The following PIK3CD variants were observed in gnomAD, a reference collection of about 807,000 sequenced individuals.
PIK3CD encodes the protein phosphatidylinositol-4,5-bisphosphate 3-kinase catalytic subunit delta.
Under a neutral mutation model 122.9 loss-of-function variants are expected in PIK3CD, and 20 were observed. The observed-to-expected ratio is 0.16, with a 90% CI of 0.11 to 0.24. PIK3CD has a LOEUF of 0.24. Ranked by LOEUF, PIK3CD falls within the 10% of genes least tolerant of loss-of-function variation. The probability of loss-of-function intolerance (pLI) is 1.00; values close to 1 mark genes in which losing one functional copy is unlikely to be tolerated. For synonymous variants in PIK3CD, 596 were observed against 593.4 expected (o/e 1.00, Z -0.06); for missense variants, 787 against 1,406.3 (o/e 0.56, Z 7.04).
chr1:9,671,311 C>G (rs1412904736), intron 1 of PIK3CD, among the ~76,000 whole-genome samples: 1 of 152,154 alleles, frequency 6.6e-6, no homozygotes, highest in Non-Finnish European at 1.5e-5. Flanking sequence ...GTTGCCCAGA[C>G]TGGTCTCCAA....
At chr1:9,662,079 A>G (rs543764490) in intron 1 of PIK3CD, among the ~76,000 whole-genome samples, 35 of 151,378 alleles carry the variant, frequency 2.3e-4, no homozygotes, top group African/African-American at 7.8e-4. Context: ...AATCACTTGA[A>G]CCCTTAACCA....
In PIK3CD at chr1:9,723,310, G is replaced by A. The variant is rs779730621; in HGVS notation, c.2594+18G>A. ...AACCCGGGGTGGGTTTCAGGCCCAG[G>A]GATAGGTTCCCTCTCCTTTCCAAGA... On this transcript the variant is annotated intron_variant, in intron 20 of 23. Coordinates refer to ENST00000377346, the MANE Select transcript of PIK3CD (RefSeq NM_005026.5). The surrounding 1 kb of genome is among the most constrained non-coding windows in gnomAD (Gnocchi z 4.9). 1.2e-5 allele frequency: 20 copies of A among 1,613,450 alleles called. No individual in the cohort carries two copies. The Admixed American group carries it at 3.3e-4, about 27-fold the overall frequency.
Position 9,700,406 on chromosome 1 carries a change from G to C in PIK3CD, c.-33+8835G>C, listed in dbSNP as rs541196383. 1.3e-5 allele frequency among the ~76,000 whole-genome samples: 2 copies of C among 152,196 alleles called. No individual in the cohort carries two copies. On this transcript the variant is annotated intron_variant, in intron 2 of 23. Transcript: ENST00000377346. This position sits in a 1 kb window ranked among gnomAD's most constrained non-coding sequence, Gnocchi z 5.1. Reference sequence around the variant, plus strand: ...AGAACCCCATGTGCGGGAGGGCTCCGCTTTGCACAGCTGTTTCTGTGGATC... The same window carrying C: ...AGAACCCCATGTGCGGGAGGGCTCCCCTTTGCACAGCTGTTTCTGTGGATC...
intron 6 of PIK3CD, 66 bp downstream of exon 6, chr1:9,716,685 C>T (rs1402472545): frequency 1.2e-5 from 18 of 1,489,172 alleles, no homozygotes; most frequent in African/African-American, 5.6e-5. Flanking sequence ...GGGTGGGAGT[C>T]GGGGAGCTGA....
chr1:9,654,280 T>C, intron 1 of PIK3CD: 1 of 1,367,706 alleles, frequency 7.3e-7, no homozygotes, highest in Non-Finnish European at 9.8e-7. Context: ...AAAAGCGCGT[T>C]TCTGCGTTTC....
At chr1:9,632,047 T>A in the PIK3CD span, among the ~76,000 whole-genome samples, 5 of 150,468 alleles carry the variant, frequency 3.3e-5, no homozygotes, top group Non-Finnish European at 7.4e-5. Context: ...AATTTTGCTC[T>A]TGTTGCCCAG....
the PIK3CD span, among the ~76,000 whole-genome samples, chr1:9,634,340 T>G: frequency 6.6e-6 from 1 of 152,176 alleles, no homozygotes; most frequent in South Asian, 2.1e-4. Context: ...TTTTGTATTT[T>G]TAGTAGACAC....
At chr1:9,636,208 G>T in the PIK3CD span, among the ~76,000 whole-genome samples, 1 of 151,842 alleles carries the variant, frequency 6.6e-6, no homozygotes, top group Non-Finnish European at 1.5e-5. Context: ...CATTTTTTTG[G>T]GGGGGGACAT....
Position 9,673,129 on chromosome 1 carries a change from C to T in PIK3CD, c.-137-18338C>T, listed in dbSNP as rs573063379. Among the ~76,000 whole-genome samples, 20 of 147,848 alleles carry T rather than the reference C, an allele frequency of 1.4e-4. No individual in the cohort carries two copies. The South Asian group carries it at 2.6e-3, about 19-fold the overall frequency. On this transcript the variant is annotated intron_variant, in intron 1 of 23. Transcript: ENST00000377346. ...TTTTTTTTTTTTTGAGACAGGGTCT[C>T]GCTCTGTCACCTAGGCTGGAGGGCA... is the stretch of plus-strand genomic sequence containing the variant.
At chr1:9,691,326 A>C in intron 1 of PIK3CD, 141 bp from the exon 2 acceptor site, 4 of 375,818 alleles carry the variant, frequency 1.1e-5, no homozygotes, top group East Asian at 3.8e-5. Flanking sequence ...ATCAAGTGGA[A>C]TGTGATTGGT....
At position 9,652,442 on chromosome 1, in the gene PIK3CD, G is replaced by A. The variant is rs1644705130; in HGVS notation, c.-138+640G>A. Among the ~76,000 whole-genome samples the A allele has an allele frequency of 1.3e-5, 2 of 152,204 alleles. No individual in the cohort carries two copies. The highest frequency in any genetic ancestry group is 4.8e-5 in the African/African-American group (2 of 41,452). On this transcript the variant is annotated intron_variant, in intron 1 of 23. Coordinates refer to ENST00000377346, the MANE Select transcript of PIK3CD (RefSeq NM_005026.5). This position sits in a 1 kb window ranked among gnomAD's most constrained non-coding sequence, Gnocchi z 6.2. ...CTCCCGGCTCGTGGACCCGCGCCCC[G>A]CCTCCCAGTCCCGGGCCTCCCGCGT... is the stretch of plus-strand genomic sequence containing the variant.
At chr1:9,631,635 GAC>G in the PIK3CD span, among the ~76,000 whole-genome samples, 1 of 152,148 alleles carries the variant, frequency 6.6e-6, no homozygotes, top group Non-Finnish European at 1.5e-5. Context: ...CAGCCTGGGT[GAC>G]AGCCTGGGTG....
chr1:9,723,107 C>G lies in PIK3CD; in HGVS notation c.2427-18C>G. The G allele has an allele frequency of 6.2e-7, 1 of 1,612,996 alleles. No individual in the cohort carries two copies. The highest frequency in any genetic ancestry group is 8.5e-7 in the Non-Finnish European group (1 of 1,179,714). ...CCTTGACCATGCCATTTGCCCGTCC[C>G]TCTTCCCCCTTGCCTAGGATGACCC... On this transcript the variant is annotated intron_variant, in intron 19 of 23. Transcript: ENST00000377346. The surrounding 1 kb of genome is among the most constrained non-coding windows in gnomAD (Gnocchi z 4.9).
the PIK3CD span, among the ~76,000 whole-genome samples, chr1:9,629,070 A>C: frequency 3.9e-5 from 6 of 152,102 alleles, no homozygotes; most frequent in East Asian, 3.9e-4. Flanking sequence ...CTGTCACCCC[A>C]GTGAGGCCAC....
chr1:9,657,713 A>ACT (rs368627324), intron 1 of PIK3CD, among the ~76,000 whole-genome samples: 10 of 150,756 alleles, frequency 6.6e-5, no homozygotes, highest in African/African-American at 1.5e-4. Flanking sequence ...GCCCAGGGCT[A>ACT]CTCTCTCTCT....
At position 9,723,264 on chromosome 1, in the gene PIK3CD, C is replaced by T. The variant is rs1648974866; in HGVS notation, c.2566C>T (p.Leu856Phe). Residue 856 changes from leucine to phenylalanine, a missense_variant, in exon 20 of 24, where the codon CTC (leucine) becomes TTC (phenylalanine). Physicochemically the swap from Leu to Phe is conservative, Grantham distance 22. This residue lies in a region of PIK3CD where 69 missense variants were observed against 166.8 expected (regional missense o/e 0.41). Coordinates refer to ENST00000377346, the MANE Select transcript of PIK3CD (RefSeq NM_005026.5). The surrounding 1 kb of genome is among the most constrained non-coding windows in gnomAD (Gnocchi z 4.9). ...ATAAFNKDAL[L>F]NWLKSKNPGE... ...AGCCGCCTTCAACAAGGATGCCCTGCTCAACTGGCTGAAGTCCAAGAACCC... is the reference window on the plus strand; with the variant it reads ...AGCCGCCTTCAACAAGGATGCCCTGTTCAACTGGCTGAAGTCCAAGAACCC... 6.2e-7 allele frequency: 1 copy of T among 1,613,928 alleles called. No individual in the cohort carries two copies.
chr1:9,689,886 G>A lies in PIK3CD; in HGVS notation c.-137-1581G>A, dbSNP rs2100433301. 6.6e-6 allele frequency among the ~76,000 whole-genome samples: 1 copy of A among 152,104 alleles called. No individual in the cohort carries two copies. The highest frequency in any genetic ancestry group is 3.4e-3 in the Middle Eastern group (1 of 292). ...CGGGGCCGTGGGGGCTTGGGGGGCCGAGGCAGGGGGTTGCGTTCGCGGTGG... is the reference window on the plus strand; with the variant it reads ...CGGGGCCGTGGGGGCTTGGGGGGCCAAGGCAGGGGGTTGCGTTCGCGGTGG... On this transcript the variant is annotated intron_variant, in intron 1 of 23. Coordinates refer to ENST00000377346, the MANE Select transcript of PIK3CD (RefSeq NM_005026.5). The surrounding 1 kb of genome is among the most constrained non-coding windows in gnomAD (Gnocchi z 6.1).
the PIK3CD span, among the ~76,000 whole-genome samples, chr1:9,635,668 G>T: frequency 1.4e-3 from 218 of 152,360 alleles, no homozygotes; most frequent in Admixed American, 3.5e-3. Context: ...GTGGATGCGT[G>T]GGGGATCTCC....
chr1:9,645,906 ATTTTTAT>A, the PIK3CD span, among the ~76,000 whole-genome samples: 9 of 151,372 alleles, frequency 5.9e-5, no homozygotes, highest in Middle Eastern at 3.2e-3. Context: ...GCCTGGCCGT[ATTTTTAT>A]TTTTTATTTT....
Sources: allele counts gnomAD v4.1 joint callset (sites outside exome capture counted in the v4.1 genomes callset), GRCh38; gene constraint gnomAD v4.1.1; regional missense constraint gnomAD v4.1.1; non-coding constraint Gnocchi (gnomAD v3.1); transcripts MANE v1.5; gene names NCBI Gene and HGNC (gene_info 2026-07-23, HGNC 2026-07-21).